The following MPP7 variants were observed in gnomAD, a reference collection of about 807,000 sequenced individuals.
MPP7 encodes MAGUK p55 scaffold protein 7, also known as MAGUK p55 subfamily member 7.
A neutral mutation model predicts 76.5 loss-of-function variants in MPP7; 60 were observed. That is an observed-to-expected ratio of 0.78 (90% confidence interval 0.64 to 0.97). The LOEUF (loss-of-function observed/expected upper bound fraction) is 0.97, where lower values mean the gene tolerates loss of function less well. Ranked by LOEUF, MPP7 falls within the 50% of genes least tolerant of loss-of-function variation. The probability of loss-of-function intolerance (pLI) is 0.00; values close to 1 mark genes in which losing one functional copy is unlikely to be tolerated. For synonymous variants in MPP7, 237 were observed against 244.5 expected (o/e 0.97, Z 0.29); for missense variants, 641 against 694.0 (o/e 0.92, Z 0.86).
intron 3 of MPP7, among the ~76,000 whole-genome samples, chr10:28,173,229 A>G (rs74469087): frequency 1.4e-5 from 2 of 145,946 alleles, no homozygotes; most frequent in Non-Finnish European, 3.0e-5. Context: ...GTAGCGATGA[A>G]AAAAAAAAAA....
At chr10:28,078,971 T>C (rs1361484216) in intron 12 of MPP7, among the ~76,000 whole-genome samples, 1 of 152,192 alleles carries the variant, frequency 6.6e-6, no homozygotes, top group African/African-American at 2.4e-5. Flanking sequence ...TTTATGTTTA[T>C]CTTAAAAAGG....
chr10:28,182,782 A>G (rs1837099203), intron 3 of MPP7, among the ~76,000 whole-genome samples: 1 of 152,394 alleles, frequency 6.6e-6, no homozygotes, highest in Non-Finnish European at 1.5e-5. Flanking sequence ...AATGTTAAGC[A>G]AAAGAGCAAA....
chr10:28,276,187 C>T (rs1205125564), intron 1 of MPP7, among the ~76,000 whole-genome samples: 1 of 151,806 alleles, frequency 6.6e-6, no homozygotes. Context: ...CCCACCACCA[C>T]ACCCAGCTAA....
intron 11 of MPP7, among the ~76,000 whole-genome samples, chr10:28,106,180 C>T (rs77956875): frequency 0.012 from 1,836 of 152,266 alleles, 53 homozygotes; most frequent in East Asian, 0.12. Context: ...CTAAACCCTC[C>T]CATAGTCTTA....
chr10:28,300,761 G>A (rs1164233345), intron 1 of MPP7, among the ~76,000 whole-genome samples: 3 of 151,600 alleles, frequency 2.0e-5, no homozygotes, highest in South Asian at 4.2e-4. Context: ...AGACCAGCCT[G>A]GCCAACATAG....
intron 11 of MPP7, among the ~76,000 whole-genome samples, chr10:28,114,871 T>A (rs2133581643): frequency 6.6e-6 from 1 of 152,312 alleles, no homozygotes; most frequent in East Asian, 1.9e-4. Context: ...AGCAACATCT[T>A]GGGGAATCCC....
chr10:28,163,766 G>A (rs1216521738), intron 3 of MPP7, among the ~76,000 whole-genome samples: 1 of 151,924 alleles, frequency 6.6e-6, no homozygotes, highest in Non-Finnish European at 1.5e-5. Flanking sequence ...TGGCCAACAT[G>A]GTGAAACCCC....
At chr10:28,234,048 C>A (rs528528238) in intron 2 of MPP7, among the ~76,000 whole-genome samples, 1 of 152,258 alleles carries the variant, frequency 6.6e-6, no homozygotes, top group South Asian at 2.1e-4. Context: ...ATAAGCAAAC[C>A]TATTGCCCAG....
chr10:28,238,679 A>T lies in MPP7; in HGVS notation c.-75T>A. ...CTTCGGACAGCCACAGGGAATTCCA[A>T]TTCAACAGCCTGCAGCCACGTTGTC... On this transcript the variant is annotated 5_prime_UTR_variant, in exon 2 of 17. In the 5' UTR this introduces an upstream ATG that the reference lacks. Transcript: ENST00000683449. 6.8e-7 allele frequency: 1 copy of T among 1,466,538 alleles called. No individual in the cohort carries two copies. Among genetic ancestry groups the T allele is most frequent in the East Asian group, 2.3e-5 (1 of 44,100 alleles). 90.8% of individuals were successfully genotyped at this position (1,466,538 alleles called of 1,614,324 possible).
chr10:28,249,306 T>C (rs186383873), intron 1 of MPP7, among the ~76,000 whole-genome samples: 24 of 152,240 alleles, frequency 1.6e-4, no homozygotes, highest in Admixed American at 1.3e-3. Flanking sequence ...GGTCACTATC[T>C]GGCCGGGCAC....
chr10:28,317,107 A>T (rs1328456970), intron 2 of MPP7, among the ~76,000 whole-genome samples: 3 of 152,202 alleles, frequency 2.0e-5, no homozygotes, highest in African/African-American at 7.2e-5. Context: ...AATATCCTAA[A>T]AATTAAGGGC....
intron 2 of MPP7, among the ~76,000 whole-genome samples, chr10:28,224,821 G>A (rs576438203): frequency 2.6e-5 from 4 of 151,862 alleles, no homozygotes; most frequent in Admixed American, 1.3e-4. Context: ...AAAAATAAAC[G>A]ACCAAAACAT....
Position 28,302,927 on chromosome 10 carries a change from C to G in MPP7, c.-198G>C, listed in dbSNP as rs904503436. ...GCTCTGGCCCCTGCAGCCCCGGGCCCGGAGGCAAGGAGGCAGCGACCGCCA... is the reference window on the plus strand; with the variant it reads ...GCTCTGGCCCCTGCAGCCCCGGGCCGGGAGGCAAGGAGGCAGCGACCGCCA... On this transcript the variant is annotated 5_prime_UTR_variant, in exon 1 of 17. Coordinates refer to ENST00000683449, the MANE Select transcript of MPP7 (RefSeq NM_001318170.2). Among the ~76,000 whole-genome samples, 1 of 152,126 alleles carries G rather than the reference C, an allele frequency of 6.6e-6. No individual in the cohort carries two copies. The highest frequency in any genetic ancestry group is 1.5e-5 in the Non-Finnish European group (1 of 67,992).
At chr10:28,106,784 C>T (rs1291968351) in intron 11 of MPP7, among the ~76,000 whole-genome samples, 1 of 152,162 alleles carries the variant, frequency 6.6e-6, no homozygotes, top group African/African-American at 2.4e-5. Context: ...ATTTGGCTTC[C>T]GGTGAAAATG....
intron 2 of MPP7, chr10:28,203,256 T>C (rs1837839297): frequency 6.6e-6 from 1 of 152,318 alleles, no homozygotes; most frequent in East Asian, 1.9e-4. Context: ...GAATAAGTGC[T>C]GCTGTTCATC....
chr10:28,285,964 T>C (rs1840781229), intron 1 of MPP7, among the ~76,000 whole-genome samples: 1 of 152,200 alleles, frequency 6.6e-6, no homozygotes, highest in Non-Finnish European at 1.5e-5. Flanking sequence ...GTCTATCAAG[T>C]ACAAGCATGT....
At chr10:28,323,823 A>G (rs1834388104) in intron 2 of MPP7, among the ~76,000 whole-genome samples, 1 of 152,218 alleles carries the variant, frequency 6.6e-6, no homozygotes, top group African/African-American at 2.4e-5. Context: ...GTGACTGAAT[A>G]TGGCATAATA....
chr10:28,208,927 T>A (rs1175959914), intron 2 of MPP7, among the ~76,000 whole-genome samples: 2 of 150,170 alleles, frequency 1.3e-5, no homozygotes, highest in Non-Finnish European at 3.0e-5. Flanking sequence ...TGGGGGTGGA[T>A]CCCTCATGGC....
chr10:28,333,671 CAAT>C (rs1459511691), intron 1 of MPP7, among the ~76,000 whole-genome samples: 8 of 152,254 alleles, frequency 5.3e-5, no homozygotes, highest in Non-Finnish European at 1.2e-4. Context: ...TAATTTTCTA[CAAT>C]GTAACTTTTT....
Sources: allele counts gnomAD v4.1 joint callset (sites outside exome capture counted in the v4.1 genomes callset), GRCh38; gene constraint gnomAD v4.1.1; transcripts MANE v1.5; gene names NCBI Gene and HGNC (gene_info 2026-07-23, HGNC 2026-07-21).